Variants in LAMA2 observed in about 807,000 individuals in gnomAD.
LAMA2 encodes the protein laminin subunit alpha 2.
Under a neutral mutation model 364.8 loss-of-function variants are expected in LAMA2, and 269 were observed. The observed-to-expected ratio is 0.74, with a 90% CI of 0.67 to 0.82. LAMA2 has a LOEUF of 0.82. Ranked by LOEUF, LAMA2 falls within the 40% of genes least tolerant of loss-of-function variation. The pLI is 0.00. For synonymous variants in LAMA2, 1,379 were observed against 1,370.6 expected, an observed-to-expected ratio of 1.01 and a Z score of -0.14; for missense variants, 3,807 against 3,873.2, an observed-to-expected ratio of 0.98 and a Z score of 0.45.
chr6:128,978,844 A>G (rs910801102), intron 1 of LAMA2, among the ~76,000 whole-genome samples: 1 of 152,206 alleles, frequency 6.6e-6, no homozygotes, highest in Non-Finnish European at 1.5e-5. Flanking sequence ...CGGGTAAGAC[A>G]GAAGGTTGAG....
At chr6:129,232,013 G>A (rs1784694880) in intron 12 of LAMA2, among the ~76,000 whole-genome samples, 1 of 152,048 alleles carries the variant, frequency 6.6e-6, no homozygotes, top group African/African-American at 2.4e-5. Flanking sequence ...TGTTGATACA[G>A]TAGTGATCAC....
At chr6:129,197,555 T>C (rs951995054) in intron 12 of LAMA2, among the ~76,000 whole-genome samples, 1 of 152,224 alleles carries the variant, frequency 6.6e-6, no homozygotes, top group Admixed American at 6.5e-5. Flanking sequence ...TGTCTTTGCC[T>C]GCAACTTTCG....
intron 20 of LAMA2, among the ~76,000 whole-genome samples, chr6:129,296,340 T>C (rs1773179412): frequency 6.6e-6 from 1 of 152,034 alleles, no homozygotes; most frequent in African/African-American, 2.4e-5. Flanking sequence ...GTTTTTTTTA[T>C]ATAGGTGAAT....
At chr6:129,093,372 G>A (rs1037118587) in intron 3 of LAMA2, among the ~76,000 whole-genome samples, 1 of 151,872 alleles carries the variant, frequency 6.6e-6, no homozygotes, top group Non-Finnish European at 1.5e-5. Flanking sequence ...AACTAACATG[G>A]GTATAGGTGA....
chr6:129,395,316 T>G (rs1275369562), intron 37 of LAMA2, among the ~76,000 whole-genome samples: 1 of 152,214 alleles, frequency 6.6e-6, no homozygotes, highest in Non-Finnish European at 1.5e-5. Context: ...CAAAAACTTT[T>G]TATTTATTTT....
intron 35 of LAMA2, among the ~76,000 whole-genome samples, chr6:129,385,710 G>A (rs1057433365): frequency 3.3e-5 from 5 of 152,064 alleles, no homozygotes; most frequent in East Asian, 3.9e-4. Flanking sequence ...TTTATTCCAC[G>A]CATTATTAGA....
intron 29 of LAMA2, among the ~76,000 whole-genome samples, chr6:129,337,548 G>T (rs1219232188): frequency 6.6e-6 from 1 of 151,910 alleles, no homozygotes; most frequent in Non-Finnish European, 1.5e-5. Context: ...TATGCAAGAC[G>T]AAAAAAGCTG....
intron 13 of LAMA2, among the ~76,000 whole-genome samples, chr6:129,251,503 C>T (rs1786241315): frequency 6.6e-6 from 1 of 152,164 alleles, no homozygotes; most frequent in Admixed American, 6.5e-5. Flanking sequence ...TAACAGGGAA[C>T]TAAGGTCATG....
intron 1 of LAMA2, among the ~76,000 whole-genome samples, chr6:128,955,398 G>T (rs1420421179): frequency 2.0e-5 from 3 of 151,854 alleles, no homozygotes; most frequent in Non-Finnish European, 4.4e-5. Flanking sequence ...CAGGATTTAG[G>T]CACTAAAATC....
chr6:128,929,267 T>C lies in LAMA2; in HGVS notation c.112+45910T>C, dbSNP rs528977304. The C allele has an allele frequency of 4.1e-5, 56 of 1,369,996 alleles. No individual in the cohort carries two copies. In the South Asian group the frequency reaches 5.9e-4, roughly 14 times the overall value. The allele number at this position is 1,369,996 out of a possible 1,614,324, so 84.9% of individuals were successfully genotyped here. ...CTGTAAGAGACCGTCAATGGCTAAGTTCCCGTCATTGATGCGGATCCCTGC... is the reference window on the plus strand; with the variant it reads ...CTGTAAGAGACCGTCAATGGCTAAGCTCCCGTCATTGATGCGGATCCCTGC... On this transcript the variant is annotated intron_variant, in intron 1 of 64. Coordinates refer to ENST00000421865, the MANE Select transcript of LAMA2 (RefSeq NM_000426.4).
chr6:129,383,322 T>C, intron 35 of LAMA2, 89 bp downstream of exon 35: 5 of 1,007,572 alleles, frequency 5.0e-6, no homozygotes, highest in African/African-American at 1.6e-5. Context: ...TCTCTTGTTA[T>C]AAGTGACATC....
rs543305057 is a variant in LAMA2 at position 129,129,923 on chromosome 6, C to CAAA, written c.640-13960_640-13958dup. ...TGGGCGACAGAGCGAGATTCCGTCT[C>CAAA]AAAAAAAAAAAAAAAAAAAATAACA... is the stretch of plus-strand genomic sequence containing the variant. On this transcript the variant is annotated intron_variant, in intron 4 of 64. Transcript: ENST00000421865. Among the ~76,000 whole-genome samples, 279 of 76,220 alleles carry CAAA rather than the reference C, an allele frequency of 3.7e-3. 3 individuals carry two copies. The highest frequency in any genetic ancestry group is 0.018 in the East Asian group (40 of 2,202). 50.0% of individuals were successfully genotyped at this position (76,220 alleles called of 152,430 possible). A position where few individuals can be genotyped will look rare whatever the true frequency, so the allele number is the denominator to read the frequency against.
intron 15 of LAMA2, among the ~76,000 whole-genome samples, chr6:129,261,489 A>G (rs1158724721): frequency 2.0e-5 from 3 of 152,132 alleles, no homozygotes; most frequent in African/African-American, 7.2e-5. Context: ...ATTTTCTTTT[A>G]CACAGAAAAC....
At chr6:128,924,617 T>C (rs147998542) in intron 1 of LAMA2, among the ~76,000 whole-genome samples, 39 of 152,270 alleles carry the variant, frequency 2.6e-4, no homozygotes, top group Admixed American at 7.2e-4. Flanking sequence ...ATGAAAAATT[T>C]ATACTCCCCT....
intron 1 of LAMA2, among the ~76,000 whole-genome samples, chr6:129,037,984 T>G (rs959412243): frequency 6.6e-6 from 1 of 152,220 alleles, no homozygotes; most frequent in Non-Finnish European, 1.5e-5. Context: ...TAAAAAATTT[T>G]TGCTAGACTA....
In LAMA2 at chr6:129,172,943, C is replaced by T. The variant is rs1012694456; in HGVS notation, c.1307-4763C>T. ...GGGAGTGACCCGATTTTCCAGGTGC[C>T]GTCCGTCACCCCTTTCTGTGACTCG... On this transcript the variant is annotated intron_variant, in intron 9 of 64. Coordinates refer to ENST00000421865, the MANE Select transcript of LAMA2 (RefSeq NM_000426.4). 2.6e-5 allele frequency among the ~76,000 whole-genome samples: 4 copies of T among 152,184 alleles called. No homozygotes were observed. The South Asian group carries it at 6.2e-4, about 24-fold the overall frequency.
At chr6:129,322,207 A>C (rs560019127) in intron 28 of LAMA2, among the ~76,000 whole-genome samples, 2 of 152,372 alleles carry the variant, frequency 1.3e-5, no homozygotes, top group African/African-American at 4.8e-5. Context: ...GAGCTAATAA[A>C]TAATCAAGTA....
chr6:129,162,997 A>G (rs547124028), intron 8 of LAMA2, among the ~76,000 whole-genome samples: 3 of 152,300 alleles, frequency 2.0e-5, no homozygotes, highest in South Asian at 2.1e-4. Context: ...TAAATAAACT[A>G]TGATGTGTCT....
At chr6:129,251,221 CTAAG>C (rs1485957935) in intron 13 of LAMA2, among the ~76,000 whole-genome samples, 1 of 151,454 alleles carries the variant, frequency 6.6e-6, no homozygotes, top group Non-Finnish European at 1.5e-5. Flanking sequence ...GAAGGATTAC[CTAAG>C]TGTCATAGGT....
Sources: allele counts gnomAD v4.1 joint callset (sites outside exome capture counted in the v4.1 genomes callset), GRCh38; gene constraint gnomAD v4.1.1; transcripts MANE v1.5; gene names NCBI Gene and HGNC (gene_info 2026-07-23, HGNC 2026-07-21).